The following FOXN3 variants were observed in gnomAD, a reference collection of about 807,000 sequenced individuals.
The protein encoded by FOXN3 is forkhead box N3.
FOXN3 carries 7 observed loss-of-function variants against 38.4 expected under a neutral mutation model. The observed-to-expected ratio is 0.18, with a 90% confidence interval of 0.10 to 0.34. The LOEUF is 0.34. FOXN3 is among the 10% of genes least tolerant of loss of function. The pLI is 1.00. For synonymous variants in FOXN3, 230 were observed against 242.2 expected, an observed-to-expected ratio of 0.95 and a Z score of 0.47; for missense variants, 456 against 613.4, an observed-to-expected ratio of 0.74 and a Z score of 2.71.
chr14:89,219,352 A>G (rs1884381820), intron 4 of FOXN3, among the ~76,000 whole-genome samples: 1 of 152,188 alleles, frequency 6.6e-6, no homozygotes, highest in Non-Finnish European at 1.5e-5. Flanking sequence ...GCCATGTGGA[A>G]CTGTGAGTCA....
chr14:89,461,167 C>T (rs1247157836), intron 1 of FOXN3, among the ~76,000 whole-genome samples: 1 of 151,832 alleles, frequency 6.6e-6, no homozygotes, highest in Non-Finnish European at 1.5e-5. Flanking sequence ...GAAACCCCAT[C>T]TCTACTAAAA....
intron 2 of FOXN3, among the ~76,000 whole-genome samples, chr14:89,360,740 C>CACCACCTCCAGCACCACCACCACCACT (rs1889477106): frequency 8.4e-6 from 1 of 119,566 alleles, no homozygotes; most frequent in African/African-American, 3.8e-5. Flanking sequence ...CCACCTCCAG[C>CACCACCTCCAGCACCACCACCACCACT]ACCACCTCCA....
At chr14:89,387,511 C>A (rs1159156601) in intron 2 of FOXN3, among the ~76,000 whole-genome samples, 1 of 152,182 alleles carries the variant, frequency 6.6e-6, no homozygotes, top group East Asian at 1.9e-4. Flanking sequence ...GCTAGCAAGT[C>A]GTAAAACAAA....
intron 4 of FOXN3, among the ~76,000 whole-genome samples, chr14:89,195,679 G>A (rs1046561117): frequency 6.6e-6 from 1 of 152,322 alleles, no homozygotes; most frequent in African/African-American, 2.4e-5. Flanking sequence ...CAAAAGAAAA[G>A]AGAAAGGCAT....
intron 3 of FOXN3, among the ~76,000 whole-genome samples, chr14:89,334,006 A>ATATATATATG (rs1555418840): frequency 2.0e-5 from 1 of 49,398 alleles, no homozygotes; most frequent in African/African-American, 6.1e-5. Context: ...ATATATATAT[A>ATATATATATG]TATGTATATA....
chr14:89,400,038 A>G (rs1321344832), intron 2 of FOXN3: 2 of 152,182 alleles, frequency 1.3e-5, no homozygotes, highest in Non-Finnish European at 2.9e-5. Flanking sequence ...TTCTCTCCTG[A>G]TATCAGAGAT....
chr14:89,549,623 G>C (rs1894960982), intron 1 of FOXN3, among the ~76,000 whole-genome samples: 1 of 152,052 alleles, frequency 6.6e-6, no homozygotes, highest in Non-Finnish European at 1.5e-5. Flanking sequence ...GCGGGGTGAG[G>C]GAGGAATTGA....
intron 1 of FOXN3, among the ~76,000 whole-genome samples, chr14:89,603,942 A>T (rs1164555933): frequency 6.6e-6 from 1 of 152,198 alleles, no homozygotes; most frequent in Non-Finnish European, 1.5e-5. Flanking sequence ...TGTCTCAAAA[A>T]TAAGTGCTAA....
At chr14:89,227,059 G>C (rs1412916696) in intron 4 of FOXN3, among the ~76,000 whole-genome samples, 1 of 152,174 alleles carries the variant, frequency 6.6e-6, no homozygotes, top group Non-Finnish European at 1.5e-5. Context: ...TAAGCAAACA[G>C]AGCCAGAAGA....
intron 2 of FOXN3, among the ~76,000 whole-genome samples, chr14:89,394,449 A>T (rs1310459148): frequency 6.6e-6 from 1 of 151,984 alleles, no homozygotes; most frequent in Admixed American, 6.6e-5. Flanking sequence ...TCAGGTGATC[A>T]GCCCACCTCA....
intron 1 of FOXN3, among the ~76,000 whole-genome samples, chr14:89,566,183 T>G (rs1895346584): frequency 6.6e-6 from 1 of 152,202 alleles, no homozygotes; most frequent in African/African-American, 2.4e-5. Context: ...CCATACACAC[T>G]GTACTATTTT....
chr14:89,234,145 A>G (rs1355231796), intron 4 of FOXN3, among the ~76,000 whole-genome samples: 2 of 152,194 alleles, frequency 1.3e-5, no homozygotes, highest in African/African-American at 4.8e-5. Context: ...ACTAAGGAGA[A>G]CCCAACGAAA....
chr14:89,536,507 C>T (rs751646384), intron 1 of FOXN3, among the ~76,000 whole-genome samples: 4 of 152,126 alleles, frequency 2.6e-5, no homozygotes, highest in Non-Finnish European at 4.4e-5. Context: ...GGTCGGCGGG[C>T]GCGGTGGCTC....
chr14:89,590,480 G>A (rs1042530994), intron 1 of FOXN3, among the ~76,000 whole-genome samples: 10 of 152,164 alleles, frequency 6.6e-5, no homozygotes, highest in African/African-American at 2.2e-4. Context: ...TCACCCCACT[G>A]AATCCTAAGA....
rs1555409518 is a variant in FOXN3, at chr14:89,191,973, T to TAA, written c.746-11169_746-11168dup. On this transcript the variant is annotated intron_variant, in intron 4 of 5. Transcript: ENST00000557258. The stretch of plus-strand genomic sequence containing the variant: ...GTATATATATATATACACATATATA[T>TAA]AACTATAATATATAATATATATTAG... 5.9e-4 allele frequency among the ~76,000 whole-genome samples: 80 copies of TAA among 135,192 alleles called. 6 individuals carry two copies. Among genetic ancestry groups the TAA allele is most frequent in the African/African-American group, 2.5e-3 (79 of 31,704 alleles). The allele number at this position is 135,192 out of a possible 152,430, so 88.7% of individuals were successfully genotyped here.
rs542585919 is a variant in FOXN3, at chr14:89,234,136, C to CCTT, written c.745+46813_745+46814insAAG. On this transcript the variant is annotated intron_variant, in intron 4 of 5. Transcript: ENST00000557258. ...GGCACATCTAAACTGCTCTGAAAGA[C>CCTT]TAAGGAGAACCCAACGAAATTCCTC... 1.5e-3 allele frequency among the ~76,000 whole-genome samples: 228 copies of CCTT among 152,324 alleles called. 2 individuals carry two copies. Among genetic ancestry groups the CCTT allele is most frequent in the South Asian group, 6.8e-3 (33 of 4,824 alleles).
At chr14:89,277,353 GA>G (rs1333943546) in intron 4 of FOXN3, among the ~76,000 whole-genome samples, 1 of 152,164 alleles carries the variant, frequency 6.6e-6, no homozygotes, top group Non-Finnish European at 1.5e-5. Context: ...GGTCCCCTCT[GA>G]AAAATGAGCT....
chr14:89,455,069 G>A (rs1892691593), intron 1 of FOXN3, among the ~76,000 whole-genome samples: 2 of 152,222 alleles, frequency 1.3e-5, no homozygotes, highest in Admixed American at 1.3e-4. Flanking sequence ...TGGACACAAT[G>A]CAGGAGAGCG....
intron 2 of FOXN3, among the ~76,000 whole-genome samples, chr14:89,403,441 C>T (rs1004305310): frequency 2.0e-5 from 3 of 152,180 alleles, no homozygotes; most frequent in Non-Finnish European, 2.9e-5. Flanking sequence ...CAAAGTGATC[C>T]GCCCCACCTC....
Sources: allele counts gnomAD v4.1 joint callset (sites outside exome capture counted in the v4.1 genomes callset), GRCh38; gene constraint gnomAD v4.1.1; transcripts MANE v1.5; gene names NCBI Gene and HGNC (gene_info 2026-07-23, HGNC 2026-07-21).